SPINT1: variants seen among roughly 807,000 people sequenced by gnomAD.
SPINT1 encodes the protein serine peptidase inhibitor, Kunitz type 1, also known as kunitz-type protease inhibitor 1.
Under a neutral mutation model 53.7 loss-of-function variants are expected in SPINT1, and 38 were observed. The ratio of observed to expected loss-of-function variants is 0.71; its 90% CI spans 0.55 to 0.93. SPINT1 has a LOEUF of 0.93. Ranked by LOEUF, SPINT1 falls within the 40% of genes least tolerant of loss-of-function variation. The pLI, the probability that SPINT1 is intolerant of heterozygous loss-of-function variation, is 0.00. For synonymous variants in SPINT1, 283 were observed against 280.6 expected (o/e 1.01, Z -0.08); for missense variants, 645 against 692.9 (o/e 0.93, Z 0.78).
intron 8 of SPINT1, among the ~76,000 whole-genome samples, chr15:40,854,964 C>T (rs1891589918): frequency 6.6e-6 from 1 of 152,198 alleles, no homozygotes; most frequent in South Asian, 2.1e-4. Context: ...ATCTTATTTA[C>T]TTAATCAGTT....
chr15:40,846,643 G>A (rs1891307926), intron 2 of SPINT1, among the ~76,000 whole-genome samples: 1 of 152,184 alleles, frequency 6.6e-6, no homozygotes, highest in African/African-American at 2.4e-5. Flanking sequence ...ACCGGGGATT[G>A]GGGAGTTTGG....
At chr15:40,852,518 A>G (rs1053987192) in intron 2 of SPINT1, among the ~76,000 whole-genome samples, 3 of 152,134 alleles carry the variant, frequency 2.0e-5, no homozygotes, top group African/African-American at 7.2e-5. Flanking sequence ...GGCACTGTCA[A>G]GTCAAGGAAG....
chr15:40,853,842 C>T lies in SPINT1; in HGVS notation c.874C>T (p.Arg292Trp), dbSNP rs371706199. Reference protein sequence around the residue: ...GCLGNKNNYLREEECILACRG... With the variant: ...GCLGNKNNYLWEEECILACRG... ...CTTGGGCAACAAGAACAACTACCTT[C>T]GGGAAGAAGAGTGCATTCTAGCCTG... Residue 292 changes from arginine to tryptophan, a missense_variant, in exon 5 of 11, where the codon CGG (arginine) becomes TGG (tryptophan). Physicochemically the swap from Arg to Trp is moderately radical, Grantham distance 101 (BLOSUM62 -3). Coordinates refer to ENST00000562057, the MANE Select transcript of SPINT1 (RefSeq NM_003710.4). 2.2e-5 allele frequency: 36 copies of T among 1,614,086 alleles called. No individual in the cohort carries two copies. The highest frequency in any genetic ancestry group is 1.6e-4 in the Middle Eastern group (1 of 6,084).
At chr15:40,852,269 A>G (rs76579941) in intron 2 of SPINT1, among the ~76,000 whole-genome samples, 10,107 of 152,220 alleles carry the variant, frequency 0.066, 619 homozygotes, top group East Asian at 0.24. Flanking sequence ...TTTCTTATAA[A>G]GATACTTTGT....
rs768239228 is a variant in SPINT1, at chr15:40,857,027, G to A, written c.*52G>A. On this transcript the variant is annotated 3_prime_UTR_variant, in exon 11 of 11. Transcript: ENST00000562057. ...GCCCTGCTTCCTGCTTGCCAAGGCA[G>A]AGGCCTGGGCTGGGAAAAACTTTGG... 3.1e-6 allele frequency: 5 copies of A among 1,601,826 alleles called. No individual in the cohort carries two copies. In the African/African-American group the frequency reaches 6.7e-5, roughly 21 times the overall value.
chr15:40,846,267 G>GT (rs1891292987), intron 2 of SPINT1, among the ~76,000 whole-genome samples: 1 of 152,132 alleles, frequency 6.6e-6, no homozygotes, highest in South Asian at 2.1e-4. Flanking sequence ...CAGAGCCTTG[G>GT]TTCCCCCTTT....
intron 10 of SPINT1, among the ~76,000 whole-genome samples, chr15:40,856,567 G>A (rs1291724160): frequency 6.6e-6 from 1 of 152,118 alleles, no homozygotes; most frequent in African/African-American, 2.4e-5. Context: ...AGAGCGACTT[G>A]AGCTGAGACC....
chr15:40,852,171 C>T (rs929420070), intron 2 of SPINT1, among the ~76,000 whole-genome samples: 10 of 152,174 alleles, frequency 6.6e-5, no homozygotes, highest in East Asian at 5.8e-4. Context: ...TGGCCCCAGG[C>T]GTACCTTGGC....
intron 9 of SPINT1, 21 bp downstream of exon 9, chr15:40,856,083 G>A: frequency 6.2e-7 from 1 of 1,613,080 alleles, no homozygotes; most frequent in Non-Finnish European, 8.5e-7. Flanking sequence ...CAGTGAGAGG[G>A]TGGGCATGTA....
At chr15:40,851,022 T>A (rs1891438468) in intron 2 of SPINT1, among the ~76,000 whole-genome samples, 1 of 152,182 alleles carries the variant, frequency 6.6e-6, no homozygotes. Context: ...AATATTTGAA[T>A]GTTACTCCTG....
At chr15:40,849,106 T>C (rs1357680919) in intron 2 of SPINT1, among the ~76,000 whole-genome samples, 17 of 151,364 alleles carry the variant, frequency 1.1e-4, no homozygotes, top group Middle Eastern at 3.2e-3. Flanking sequence ...ATTAGCCGGG[T>C]GTGGTGGTGG....
At position 40,853,701 on chromosome 15, in the gene SPINT1, TC is replaced by T. The variant is rs758648974; in HGVS notation, c.743-4del. The T allele has an allele frequency of 5.0e-6, 8 of 1,613,854 alleles. No individual in the cohort carries two copies. The African/African-American group carries it at 5.3e-5, about 11-fold the overall frequency. On this transcript the variant is annotated splice_polypyrimidine_tract_variant and intron_variant, in intron 4 of 10. Transcript: ENST00000562057. ...GGCCGCACGGTCCCCTCATAAGCTCTCCCCCCTAGACTACTGCCTCGCATCC... is the reference window on the plus strand; with the variant it reads ...GGCCGCACGGTCCCCTCATAAGCTCTCCCCCTAGACTACTGCCTCGCATCC...
chr15:40,850,401 A>G (rs1412757774), intron 2 of SPINT1, among the ~76,000 whole-genome samples: 1 of 152,106 alleles, frequency 6.6e-6, no homozygotes, highest in Non-Finnish European at 1.5e-5. Context: ...AAAATATAAG[A>G]TATGGTGGGC....
chr15:40,857,847 G>A lies in SPINT1; in HGVS notation c.*872G>A, dbSNP rs545366375. 2 of 152,564 alleles carry A rather than the reference G, an allele frequency of 1.3e-5. No homozygotes were observed. The highest frequency in any genetic ancestry group is 1.3e-4 in the Admixed American group (2 of 15,304). 9.5% of individuals were successfully genotyped at this position (152,564 alleles called of 1,614,324 possible). On this transcript the variant is annotated 3_prime_UTR_variant, in exon 11 of 11. Coordinates refer to ENST00000562057, the MANE Select transcript of SPINT1 (RefSeq NM_003710.4). ...GACCACCAGAGGGGAGGAGTGAGCGGGCCACGGGAGCCACGAGTGTGGGGA... is the reference window on the plus strand; with the variant it reads ...GACCACCAGAGGGGAGGAGTGAGCGAGCCACGGGAGCCACGAGTGTGGGGA...
At chr15:40,848,868 G>T (rs1481141453) in intron 2 of SPINT1, among the ~76,000 whole-genome samples, 2 of 151,632 alleles carry the variant, frequency 1.3e-5, no homozygotes, top group East Asian at 1.9e-4. Flanking sequence ...GATGGAGAAG[G>T]TTCCTTCTTA....
rs536990848 is a variant in SPINT1 at position 40,856,240 on chromosome 15, C to T, written c.1289-36C>T. ...GGGAGCAGCTGAGTCTCTGAGCCCT[C>T]AGTACTGACTGGTCTTTCCCCTCAT... On this transcript the variant is annotated intron_variant, in intron 9 of 10. Coordinates refer to ENST00000562057, the MANE Select transcript of SPINT1 (RefSeq NM_003710.4). 70 of 1,613,738 alleles carry T rather than the reference C, an allele frequency of 4.3e-5. No homozygotes were observed. The South Asian group carries it at 7.1e-4, about 16-fold the overall frequency.
intron 2 of SPINT1, among the ~76,000 whole-genome samples, chr15:40,847,723 T>C (rs1311403087): frequency 6.6e-6 from 1 of 152,088 alleles, no homozygotes; most frequent in Non-Finnish European, 1.5e-5. Context: ...TGCTCCTTGG[T>C]CCTGGGGGCT....
At chr15:40,856,173 G>A (rs1891635517) in intron 9 of SPINT1, 103 bp from the exon 10 acceptor site, 1 of 1,594,424 alleles carries the variant, frequency 6.3e-7, no homozygotes. Flanking sequence ...AGCGCCTGGA[G>A]TAGGAGTGGG....
chr15:40,848,392 C>G (rs1891355672), intron 2 of SPINT1, among the ~76,000 whole-genome samples: 2 of 152,190 alleles, frequency 1.3e-5, no homozygotes, highest in African/African-American at 2.4e-5. Context: ...CAGCCCTGGA[C>G]ACAATTCCAC....
Sources: gnomAD v4.1 joint callset for allele counts (sites outside exome capture counted in the v4.1 genomes callset) on GRCh38, gnomAD v4.1.1 for gene constraint, MANE v1.5 for transcripts, NCBI Gene and HGNC (gene_info 2026-07-23, HGNC 2026-07-21) for gene names.